Variants in AKAP8L observed in about 807,000 individuals in gnomAD.
The protein encoded by AKAP8L is A-kinase anchor protein 8-like.
In AKAP8L, 34 loss-of-function variants were observed where a neutral mutation model predicts 77.5. The observed-to-expected ratio is 0.44, with a 90% CI of 0.33 to 0.58. The LOEUF is 0.58. AKAP8L is among the 20% of genes least tolerant of loss of function. The pLI is 0.02. For missense variants in AKAP8L, 806 were observed against 887.6 expected (o/e 0.91, Z 1.17); for synonymous variants, 342 against 340.7 (o/e 1.00, Z -0.04).
chr19:15,413,980 T>C (rs1188498304), intron 1 of AKAP8L, among the ~76,000 whole-genome samples: 4 of 152,160 alleles, frequency 2.6e-5, no homozygotes, highest in African/African-American at 7.2e-5. Flanking sequence ...CACATTAACA[T>C]TCTGTTCCAC....
intron 2 of AKAP8L, among the ~76,000 whole-genome samples, chr19:15,407,753 C>T (rs889091389): frequency 6.6e-6 from 1 of 152,188 alleles, no homozygotes; most frequent in Admixed American, 6.5e-5. Flanking sequence ...TGACATACTG[C>T]ACTCATGAAT....
In AKAP8L at chr19:15,397,441, G is replaced by A; in HGVS notation, c.1405+79C>T. Reference sequence around the variant, plus strand: ...CTGACCTTCCCTGGGGGAACAGAAGGGTGTCCTGACCCTGCACCGAAAATC... The same window carrying A: ...CTGACCTTCCCTGGGGGAACAGAAGAGTGTCCTGACCCTGCACCGAAAATC... On this transcript the variant is annotated intron_variant, in intron 11 of 13. Transcript: ENST00000397410. The surrounding 1 kb of genome is among the most constrained non-coding windows in gnomAD (Gnocchi z 4.7). 1 of 1,497,504 alleles carries A rather than the reference G, an allele frequency of 6.7e-7. No individual in the cohort carries two copies. The highest frequency in any genetic ancestry group is 1.4e-5 in the African/African-American group (1 of 72,456). The allele number at this position is 1,497,504 out of a possible 1,614,324, so 92.8% of individuals were successfully genotyped here.
chr19:15,386,340 T>C (rs1479758072), intron 12 of AKAP8L, among the ~76,000 whole-genome samples: 1 of 152,184 alleles, frequency 6.6e-6, no homozygotes, highest in East Asian at 1.9e-4. Context: ...GACTCTAGCA[T>C]AGCAGTCTGA....
At chr19:15,393,037 A>G (rs144252820) in intron 12 of AKAP8L, among the ~76,000 whole-genome samples, 2 of 152,302 alleles carry the variant, frequency 1.3e-5, no homozygotes, top group African/African-American at 2.4e-5. Flanking sequence ...CTTAATAGCT[A>G]TGGTCAACTG....
In AKAP8L at chr19:15,398,157, G is replaced by T; in HGVS notation, c.1158-302C>A. Reference sequence around the variant, plus strand: ...GCAACGAGTCGCTGGAAAGTTGCTGGAGGGCCTCGCTACCAAGGCTGGGCA... The same window carrying T: ...GCAACGAGTCGCTGGAAAGTTGCTGTAGGGCCTCGCTACCAAGGCTGGGCA... On this transcript the variant is annotated intron_variant, in intron 9 of 13. Coordinates refer to ENST00000397410, the MANE Select transcript of AKAP8L (RefSeq NM_014371.4). The surrounding 1 kb of genome is among the most constrained non-coding windows in gnomAD (Gnocchi z 9.2). 2.3e-6 allele frequency: 1 copy of T among 427,704 alleles called. No homozygotes were observed. Among genetic ancestry groups the T allele is most frequent in the Non-Finnish European group, 4.3e-6 (1 of 230,266 alleles). The allele number at this position is 427,704 out of a possible 1,614,324, so 26.5% of individuals were successfully genotyped here. A position where few individuals can be genotyped will look rare whatever the true frequency, so the allele number is the denominator to read the frequency against.
rs562357629 is a variant in AKAP8L, at chr19:15,399,042, G to A, written c.1157+260C>T. ...TCGTGCGCCGAGTGACCTAGCGCCA[G>A]AGCTTCTGAGCAACGGTGCCGAGCG... On this transcript the variant is annotated intron_variant, in intron 9 of 13. Coordinates refer to ENST00000397410, the MANE Select transcript of AKAP8L (RefSeq NM_014371.4). The surrounding 1 kb of genome is among the most constrained non-coding windows in gnomAD (Gnocchi z 6.1). 2 of 511,502 alleles carry A rather than the reference G, an allele frequency of 3.9e-6. No homozygotes were observed. Among genetic ancestry groups the A allele is most frequent in the African/African-American group, 3.9e-5 (2 of 51,630 alleles). The allele number at this position is 511,502 out of a possible 1,614,324, so 31.7% of individuals were successfully genotyped here.
At position 15,380,452 on chromosome 19, in the gene AKAP8L, C is replaced by G. The variant is rs766806937; in HGVS notation, c.1633-22G>C. On this transcript the variant is annotated intron_variant, in intron 13 of 13. Transcript: ENST00000397410. ...CGCCCTGTGGGGAGGGGCGCGGACA[C>G]TGAAGGGAGGGAGCACAGGCGGGGA... 7 of 1,611,156 alleles carry G rather than the reference C, an allele frequency of 4.3e-6. No individual in the cohort carries two copies. In the South Asian group the frequency reaches 6.6e-5, roughly 15 times the overall value.
chr19:15,400,106 AAGG>A, intron 8 of AKAP8L, 186 bp downstream of exon 8: 1 of 622,386 alleles, frequency 1.6e-6, no homozygotes, highest in Non-Finnish European at 2.8e-6. Flanking sequence ...TCCGCCTGGG[AAGG>A]AGGAGGAAGA....
At chr19:15,385,215 G>T (rs1967506524) in intron 12 of AKAP8L, among the ~76,000 whole-genome samples, 1 of 151,546 alleles carries the variant, frequency 6.6e-6, no homozygotes, top group South Asian at 2.1e-4. Flanking sequence ...CTGACCTCGT[G>T]ATCCGCCCGC....
intron 1 of AKAP8L, among the ~76,000 whole-genome samples, chr19:15,418,321 T>C (rs181207195): frequency 6.6e-6 from 1 of 152,352 alleles, no homozygotes; most frequent in Non-Finnish European, 1.5e-5. Context: ...ACATGGAACC[T>C]TGTCATTCCT....
intron 2 of AKAP8L, among the ~76,000 whole-genome samples, chr19:15,405,296 G>A (rs555451212): frequency 1.3e-5 from 2 of 152,346 alleles, no homozygotes; most frequent in East Asian, 3.9e-4. Flanking sequence ...CACTTCGGGA[G>A]GTCGAGGCGG....
At chr19:15,412,064 T>A (rs1169100665) in intron 1 of AKAP8L, among the ~76,000 whole-genome samples, 1 of 152,114 alleles carries the variant, frequency 6.6e-6, no homozygotes, top group Non-Finnish European at 1.5e-5. Context: ...AAAAATTAGC[T>A]GGGCGTGGTG....
intron 2 of AKAP8L, among the ~76,000 whole-genome samples, chr19:15,405,271 C>T (rs1449635108): frequency 1.3e-5 from 2 of 152,214 alleles, no homozygotes; most frequent in African/African-American, 2.4e-5. Flanking sequence ...CAGTGGCTCA[C>T]GCCTGTAATC....
intron 2 of AKAP8L, among the ~76,000 whole-genome samples, chr19:15,408,679 C>T (rs1168631177): frequency 3.3e-5 from 5 of 151,056 alleles, no homozygotes; most frequent in East Asian, 2.0e-4. Flanking sequence ...GTCAGGAGCT[C>T]GAGAACATCC....
At chr19:15,383,326 T>C (rs1247709463) in intron 12 of AKAP8L, 1 of 152,152 alleles carries the variant, frequency 6.6e-6, no homozygotes, top group Non-Finnish European at 1.5e-5. Flanking sequence ...CTTCCCATGC[T>C]AGCCTCTTGA....
intron 12 of AKAP8L, among the ~76,000 whole-genome samples, chr19:15,384,491 G>A (rs1425573679): frequency 6.6e-6 from 1 of 151,364 alleles, no homozygotes; most frequent in East Asian, 2.0e-4. Flanking sequence ...GTAGAGACAG[G>A]GTTTCATTAT....
rs760892478 is a variant in AKAP8L, at chr19:15,399,791, C to T, written c.1049-381G>A. 5 of 329,018 alleles carry T rather than the reference C, an allele frequency of 1.5e-5. No homozygotes were observed. The highest frequency in any genetic ancestry group is 7.2e-5 in the East Asian group (1 of 13,880). 20.4% of individuals were successfully genotyped at this position (329,018 alleles called of 1,614,324 possible). ...GCCCTGCCCACCCCCAACCGGGCAC[C>T]GCGGCAACAGTGGGCTGACGCTGGA... On this transcript the variant is annotated intron_variant, in intron 8 of 13. Coordinates refer to ENST00000397410, the MANE Select transcript of AKAP8L (RefSeq NM_014371.4). The surrounding 1 kb of genome is among the most constrained non-coding windows in gnomAD (Gnocchi z 6.1).
chr19:15,398,798 G>T lies in AKAP8L; in HGVS notation c.1157+504C>A. The T allele has an allele frequency of 1.0e-6, 1 of 1,003,274 alleles. No individual in the cohort carries two copies. Among genetic ancestry groups the T allele is most frequent in the Non-Finnish European group, 1.2e-6 (1 of 841,092 alleles). The allele number at this position is 1,003,274 out of a possible 1,614,324, so 62.1% of individuals were successfully genotyped here. A position where few individuals can be genotyped will look rare whatever the true frequency, so the allele number is the denominator to read the frequency against. ...GCAGACAGACCCGACCAAGGGGCGTGAAGGGCTCAGCCGCAGACAGGCCCG... is the reference window on the plus strand; with the variant it reads ...GCAGACAGACCCGACCAAGGGGCGTTAAGGGCTCAGCCGCAGACAGGCCCG... On this transcript the variant is annotated intron_variant, in intron 9 of 13. Transcript: ENST00000397410. The surrounding 1 kb of genome is among the most constrained non-coding windows in gnomAD (Gnocchi z 9.2).
In AKAP8L at chr19:15,401,618, G is replaced by T. The variant is rs1433774357; in HGVS notation, c.363-15C>A. On this transcript the variant is annotated splice_polypyrimidine_tract_variant and intron_variant, in intron 4 of 13. Transcript: ENST00000397410. This position sits in a 1 kb window ranked among gnomAD's most constrained non-coding sequence, Gnocchi z 6.2. ...AAGAGTCATACCTGCAGAGGCATGG[G>T]GTGAGCATCAGGTGGAGCCCCTCAG... The T allele has an allele frequency of 6.4e-7, 1 of 1,550,642 alleles. No individual in the cohort carries two copies. The highest frequency in any genetic ancestry group is 8.7e-7 in the Non-Finnish European group (1 of 1,146,776).
Sources: gnomAD v4.1 joint callset for allele counts (sites outside exome capture counted in the v4.1 genomes callset) on GRCh38, gnomAD v4.1.1 for gene constraint, Gnocchi (gnomAD v3.1) non-coding constraint, MANE v1.5 for transcripts, NCBI Gene and HGNC (gene_info 2026-07-23, HGNC 2026-07-21) for gene names.